The following AKT3 variants were observed in gnomAD, a reference collection of about 807,000 sequenced individuals.
AKT3 encodes AKT serine/threonine kinase 3.
AKT3 carries 15 observed loss-of-function variants against 65.3 expected under a neutral mutation model. The ratio of observed to expected loss-of-function variants is 0.23; its 90% confidence interval spans 0.15 to 0.35. The LOEUF (loss-of-function observed/expected upper bound fraction) is 0.35. Among genes scored for constraint, AKT3 ranks in the 10% least tolerant of loss-of-function variants. AKT3 has a pLI of 1.00. For missense variants in AKT3, 243 were observed against 576.5 expected (o/e 0.42, Z 5.92); for synonymous variants, 206 against 183.8 (o/e 1.12, Z -0.98).
chr1:243,791,966 C>T (rs571209943), intron 2 of AKT3, among the ~76,000 whole-genome samples: 61 of 152,060 alleles, frequency 4.0e-4, no homozygotes, highest in Non-Finnish European at 7.5e-4. Flanking sequence ...TTATGAAGAC[C>T]AAAAATTAAC....
At chr1:243,704,476 A>G (rs1685667153) in intron 2 of AKT3, among the ~76,000 whole-genome samples, 1 of 152,174 alleles carries the variant, frequency 6.6e-6, no homozygotes, top group African/African-American at 2.4e-5. Flanking sequence ...CCATTTCTTT[A>G]ACCATTCTTA....
chr1:243,617,408 A>G (rs918298696), intron 6 of AKT3, among the ~76,000 whole-genome samples: 2 of 152,034 alleles, frequency 1.3e-5, no homozygotes, highest in African/African-American at 4.8e-5. Flanking sequence ...AACCAAGTCC[A>G]TTCACTTAAA....
At chr1:243,573,196 G>T in intron 8 of AKT3, 148 bp from the exon 9 acceptor site, 1 of 906,172 alleles carries the variant, frequency 1.1e-6, no homozygotes, top group South Asian at 3.1e-5. Context: ...ACAGCAGCTG[G>T]CTTATCTTTT....
At chr1:243,660,647 G>A (rs1362268019) in intron 4 of AKT3, among the ~76,000 whole-genome samples, 1 of 152,126 alleles carries the variant, frequency 6.6e-6, no homozygotes, top group African/African-American at 2.4e-5. Flanking sequence ...TTGAAAACTG[G>A]CACAAGACAG....
chr1:243,763,459 A>G (rs1302854790), intron 2 of AKT3, among the ~76,000 whole-genome samples: 3 of 152,072 alleles, frequency 2.0e-5, no homozygotes, highest in Non-Finnish European at 4.4e-5. Context: ...TTGAGCTCAA[A>G]ACCCATTCAG....
intron 2 of AKT3, among the ~76,000 whole-genome samples, chr1:243,806,362 A>G (rs980974508): frequency 1.3e-5 from 2 of 151,686 alleles, no homozygotes; most frequent in East Asian, 3.9e-4. Context: ...TTATTAGGGG[A>G]AAAAAAACAC....
chr1:243,782,869 T>A (rs369508686), intron 2 of AKT3, among the ~76,000 whole-genome samples: 1 of 152,202 alleles, frequency 6.6e-6, no homozygotes, highest in Non-Finnish European at 1.5e-5. Context: ...AGGAAATATA[T>A]GAGACTCTGG....
chr1:243,513,298 T>G (rs1670138774), intron 12 of AKT3, among the ~76,000 whole-genome samples: 1 of 152,172 alleles, frequency 6.6e-6, no homozygotes, highest in Non-Finnish European at 1.5e-5. Context: ...TAGCACAGGA[T>G]GCCCAGTCCC....
At chr1:243,762,470 T>G (rs969682681) in intron 2 of AKT3, among the ~76,000 whole-genome samples, 6 of 152,084 alleles carry the variant, frequency 3.9e-5, no homozygotes, top group Non-Finnish European at 8.8e-5. Flanking sequence ...TATGAAAGCA[T>G]CCAAAAACTG....
chr1:243,501,314 G>T lies in AKT3; in HGVS notation c.*3935C>A, dbSNP rs994526099. 1 of 233,058 alleles carries T rather than the reference G, an allele frequency of 4.3e-6. No individual in the cohort carries two copies. Among genetic ancestry groups the T allele is most frequent in the Non-Finnish European group, 8.5e-6 (1 of 118,000 alleles). The allele number at this position is 233,058 out of a possible 1,614,324, so 14.4% of individuals were successfully genotyped here. On this transcript the variant is annotated 3_prime_UTR_variant, in exon 14 of 14. Transcript: ENST00000673466. ...GTTTGTTAATTTGCCATGACATGTT[G>T]TTAGAAATACACTCTAAGAAAGGAA...
chr1:243,809,595 CA>C (rs1184012662), intron 2 of AKT3, among the ~76,000 whole-genome samples: 5 of 152,240 alleles, frequency 3.3e-5, no homozygotes, highest in Admixed American at 2.6e-4. Context: ...GAGAGTTTAA[CA>C]CCCCACTGTC....
At chr1:243,826,115 G>C (rs1040758877) in intron 2 of AKT3, among the ~76,000 whole-genome samples, 19 of 151,736 alleles carry the variant, frequency 1.3e-4, no homozygotes, top group South Asian at 4.2e-4. Flanking sequence ...CTGGGCGACA[G>C]AGTGAGACTT....
chr1:243,829,258 T>C (rs1356840839), intron 2 of AKT3, among the ~76,000 whole-genome samples: 2 of 152,164 alleles, frequency 1.3e-5, no homozygotes, highest in African/African-American at 4.8e-5. Flanking sequence ...CCCTATATAT[T>C]TACTGCTTGG....
At chr1:243,795,465 T>G (rs12095181) in intron 2 of AKT3, among the ~76,000 whole-genome samples, 59 of 91,416 alleles carry the variant, frequency 6.5e-4, no homozygotes, top group African/African-American at 1.6e-3. Context: ...TTTTTTTGTT[T>G]TTTTTTTTTG....
intron 4 of AKT3, among the ~76,000 whole-genome samples, chr1:243,647,258 T>C (rs1680892553): frequency 6.6e-6 from 1 of 152,208 alleles, no homozygotes; most frequent in South Asian, 2.1e-4. Context: ...CTAAGATTAT[T>C]ACACTGTATT....
intron 4 of AKT3, among the ~76,000 whole-genome samples, chr1:243,657,176 G>A (rs1681869389): frequency 6.6e-6 from 1 of 152,140 alleles, no homozygotes; most frequent in Non-Finnish European, 1.5e-5. Flanking sequence ...AGTCCTCAGA[G>A]AGTTCCTTTG....
At chr1:243,831,098 T>G (rs1238997464) in intron 2 of AKT3, among the ~76,000 whole-genome samples, 1 of 152,194 alleles carries the variant, frequency 6.6e-6, no homozygotes, top group Non-Finnish European at 1.5e-5. Context: ...TGCCCTAATA[T>G]CTGTGACATA....
intron 12 of AKT3, among the ~76,000 whole-genome samples, chr1:243,544,713 T>TG (rs1672547191): frequency 6.7e-6 from 1 of 148,672 alleles, no homozygotes; most frequent in Non-Finnish European, 1.5e-5. Flanking sequence ...TTGTTTTTTT[T>TG]TTTTTTAAGA....
intron 3 of AKT3, among the ~76,000 whole-genome samples, chr1:243,686,894 A>G (rs922642506): frequency 4.0e-5 from 6 of 150,728 alleles, no homozygotes; most frequent in African/African-American, 1.5e-4. Context: ...CAAATTCCTG[A>G]CCTCAAGTGA....
Sources: allele counts gnomAD v4.1 joint callset (sites outside exome capture counted in the v4.1 genomes callset), GRCh38; gene constraint gnomAD v4.1.1; transcripts MANE v1.5; gene names NCBI Gene and HGNC (gene_info 2026-07-23, HGNC 2026-07-21).